Variants in GRID1 observed in about 807,000 individuals in gnomAD.
The protein encoded by GRID1 is glutamate ionotropic receptor delta type subunit 1, also known as glutamate receptor ionotropic, delta-1.
Under a neutral mutation model 98.0 loss-of-function variants are expected in GRID1, and 28 were observed. The observed-to-expected ratio is 0.29, with a 90% confidence interval of 0.21 to 0.39. GRID1 has a LOEUF of 0.39. Among genes scored for constraint, GRID1 ranks in the 10% least tolerant of loss-of-function variants. GRID1 has a pLI of 1.00. For missense variants in GRID1, 1,111 were observed against 1,340.5 expected, an observed-to-expected ratio of 0.83 and a Z score of 2.67; for synonymous variants, 553 against 538.5, an observed-to-expected ratio of 1.03 and a Z score of -0.37.
chr10:85,790,849 C>T (rs972857095), intron 8 of GRID1, among the ~76,000 whole-genome samples: 1 of 152,202 alleles, frequency 6.6e-6, no homozygotes, highest in Non-Finnish European at 1.5e-5. Flanking sequence ...CCTGGCTGCA[C>T]AGGACCCTCT....
chr10:85,608,910 T>C (rs1842702680), intron 15 of GRID1, among the ~76,000 whole-genome samples: 1 of 152,198 alleles, frequency 6.6e-6, no homozygotes, highest in South Asian at 2.1e-4. Context: ...CTGAGCATAG[T>C]TCTCAGGCCA....
intron 10 of GRID1, among the ~76,000 whole-genome samples, chr10:85,726,920 T>G (rs529244847): frequency 1.3e-5 from 2 of 152,336 alleles, no homozygotes; most frequent in African/African-American, 4.8e-5. Context: ...AGTATGTGAA[T>G]TTATCACAGT....
intron 8 of GRID1, among the ~76,000 whole-genome samples, chr10:85,751,643 TA>T: frequency 6.6e-6 from 1 of 152,126 alleles, no homozygotes; most frequent in East Asian, 1.9e-4. Context: ...CTATATTATT[TA>T]AAAAAGAAAA....
At chr10:86,194,099 C>T (rs928321435) in intron 3 of GRID1, among the ~76,000 whole-genome samples, 10 of 152,106 alleles carry the variant, frequency 6.6e-5, no homozygotes, top group African/African-American at 2.4e-4. Flanking sequence ...CCTTTCTCTG[C>T]CTTATTTTGG....
intron 2 of GRID1, among the ~76,000 whole-genome samples, chr10:86,332,516 C>T (rs529505985): frequency 6.6e-6 from 1 of 152,186 alleles, no homozygotes; most frequent in East Asian, 1.9e-4. Flanking sequence ...CCTTTCCCTG[C>T]CTTCCCCAGG....
At chr10:86,142,835 C>T (rs185526955) in intron 3 of GRID1, among the ~76,000 whole-genome samples, 3 of 152,360 alleles carry the variant, frequency 2.0e-5, no homozygotes, top group Non-Finnish European at 2.9e-5. Context: ...AGTCCCTTCC[C>T]TGAGCTCCCT....
chr10:85,665,954 G>A lies in GRID1; in HGVS notation c.1998-18557C>T, dbSNP rs116652575. 6.2e-3 allele frequency among the ~76,000 whole-genome samples: 940 copies of A among 152,232 alleles called. 15 individuals are homozygous for A. The highest frequency in any genetic ancestry group is 0.022 in the African/African-American group (905 of 41,530). On this transcript the variant is annotated intron_variant, in intron 12 of 15. Coordinates refer to ENST00000327946, the MANE Select transcript of GRID1 (RefSeq NM_017551.3). ...TCCACCAAGGCGAGGGTGGAGAGGAGTGTGCACAGCTTGCACAGCTCACCC... is the reference window on the plus strand; with the variant it reads ...TCCACCAAGGCGAGGGTGGAGAGGAATGTGCACAGCTTGCACAGCTCACCC...
At chr10:86,320,638 T>C (rs1468754096) in intron 2 of GRID1, among the ~76,000 whole-genome samples, 1 of 152,160 alleles carries the variant, frequency 6.6e-6, no homozygotes, top group East Asian at 1.9e-4. Flanking sequence ...TGTGAATTAA[T>C]GCTATTGAAC....
intron 2 of GRID1, among the ~76,000 whole-genome samples, chr10:86,351,865 C>T (rs1848467131): frequency 6.6e-6 from 1 of 152,224 alleles, no homozygotes; most frequent in African/African-American, 2.4e-5. Flanking sequence ...GCTAAGTCCT[C>T]TGTAATCATT....
rs549180803 is a variant in GRID1 at position 86,178,278 on chromosome 10, T to G, written c.520+28086A>C. On this transcript the variant is annotated intron_variant, in intron 3 of 15. Transcript: ENST00000327946. The stretch of plus-strand genomic sequence containing the variant: ...ATTATTGAGCATTTTTTTTCTTACG[T>G]TTTATATCCATCGTGCCCTTCTTTT... Among the ~76,000 whole-genome samples the G allele has an allele frequency of 6.6e-5, 10 of 152,148 alleles. No homozygotes were observed. The South Asian group carries it at 2.1e-3, about 32-fold the overall frequency.
At chr10:86,164,431 A>AATTC (rs1280175425) in intron 3 of GRID1, among the ~76,000 whole-genome samples, 1 of 152,176 alleles carries the variant, frequency 6.6e-6, no homozygotes, top group Non-Finnish European at 1.5e-5. Context: ...TTCATTCATT[A>AATTC]ATTCATTCAT....
chr10:85,759,990 C>T (rs1842132262), intron 8 of GRID1, among the ~76,000 whole-genome samples: 2 of 152,244 alleles, frequency 1.3e-5, no homozygotes, highest in Non-Finnish European at 1.5e-5. Flanking sequence ...TCTCTCTCGC[C>T]CCATATCACC....
intron 5 of GRID1, among the ~76,000 whole-genome samples, chr10:85,900,421 G>A (rs1023642237): frequency 3.3e-5 from 5 of 152,172 alleles, no homozygotes; most frequent in Admixed American, 6.5e-5. Context: ...ATAGGAATGC[G>A]GAAAGGTAGA....
At chr10:85,909,340 G>A (rs907162571) in intron 5 of GRID1, among the ~76,000 whole-genome samples, 2 of 152,170 alleles carry the variant, frequency 1.3e-5, no homozygotes, top group Non-Finnish European at 2.9e-5. Flanking sequence ...CAACTTGGCA[G>A]TTTCTTGAAA....
At chr10:85,821,900 G>A (rs1243977237) in intron 8 of GRID1, among the ~76,000 whole-genome samples, 4 of 152,070 alleles carry the variant, frequency 2.6e-5, no homozygotes, top group African/African-American at 7.2e-5. Context: ...ACAACCATCT[G>A]ATCTTTGACA....
At chr10:86,352,671 T>C (rs1437063319) in intron 2 of GRID1, among the ~76,000 whole-genome samples, 3 of 152,162 alleles carry the variant, frequency 2.0e-5, no homozygotes, top group Admixed American at 6.5e-5. Context: ...TGCCATCACA[T>C]TGGGGGTTAA....
At position 86,177,868 on chromosome 10, in the gene GRID1, G is replaced by A. The variant is rs575521341; in HGVS notation, c.520+28496C>T. On this transcript the variant is annotated intron_variant, in intron 3 of 15. Transcript: ENST00000327946. The stretch of plus-strand genomic sequence containing the variant: ...GAGACTTCAGTGTATGTGTGTGTGT[G>A]TGCATGAAAGAGACAGAAACAAAGG... Among the ~76,000 whole-genome samples, 10 of 152,308 alleles carry A rather than the reference G, an allele frequency of 6.6e-5. 1 individual carries two copies. In the East Asian group the frequency reaches 1.7e-3, roughly 26 times the overall value.
intron 12 of GRID1, among the ~76,000 whole-genome samples, chr10:85,684,757 T>A (rs1199035880): frequency 6.6e-6 from 1 of 152,228 alleles, no homozygotes; most frequent in Non-Finnish European, 1.5e-5. Flanking sequence ...AACTGCAATT[T>A]ATTTTCTCAC....
chr10:85,887,182 G>C (rs1841128662), intron 5 of GRID1, among the ~76,000 whole-genome samples: 1 of 152,176 alleles, frequency 6.6e-6, no homozygotes, highest in African/African-American at 2.4e-5. Context: ...GTTGCATTCA[G>C]GTCCCTATAG....
Sources: gnomAD v4.1 joint callset for allele counts (sites outside exome capture counted in the v4.1 genomes callset) on GRCh38, gnomAD v4.1.1 for gene constraint, MANE v1.5 for transcripts, NCBI Gene and HGNC (gene_info 2026-07-23, HGNC 2026-07-21) for gene names.